The following NKAIN3 variants were observed in gnomAD, a reference collection of about 807,000 sequenced individuals.
NKAIN3 encodes the protein sodium/potassium transporting ATPase interacting 3, also known as sodium/potassium-transporting ATPase subunit beta-1-interacting protein 3.
NKAIN3 carries 25 observed loss-of-function variants against 30.2 expected under a neutral mutation model. The ratio of observed to expected loss-of-function variants is 0.83; its 90% confidence interval spans 0.60 to 1.16. The LOEUF is 1.16. NKAIN3 is among the 50% of genes most tolerant of loss of function. The pLI is 0.00. For missense variants in NKAIN3, 225 were observed against 254.1 expected, an observed-to-expected ratio of 0.89 and a Z score of 0.78; for synonymous variants, 91 against 89.6, an observed-to-expected ratio of 1.02 and a Z score of -0.09.
At chr8:62,598,976 A>G (rs1451581378) in intron 3 of NKAIN3, among the ~76,000 whole-genome samples, 2 of 152,046 alleles carry the variant, frequency 1.3e-5, no homozygotes, top group African/African-American at 2.4e-5. Context: ...GTTCAAGATT[A>G]GAGGTCTCAC....
chr8:62,505,942 T>C (rs1362679230), intron 1 of NKAIN3, among the ~76,000 whole-genome samples: 3 of 152,202 alleles, frequency 2.0e-5, no homozygotes, highest in African/African-American at 7.2e-5. Flanking sequence ...GTTTCCCTTC[T>C]TTTTTTAGCC....
chr8:62,569,252 C>A (rs1809851197), intron 1 of NKAIN3, among the ~76,000 whole-genome samples: 1 of 152,146 alleles, frequency 6.6e-6, no homozygotes, highest in Non-Finnish European at 1.5e-5. Flanking sequence ...GAAGTAGGAT[C>A]ATGATACAAA....
intron 1 of NKAIN3, among the ~76,000 whole-genome samples, chr8:62,404,003 G>A (rs918320413): frequency 3.9e-5 from 6 of 152,240 alleles, no homozygotes; most frequent in African/African-American, 1.4e-4. Context: ...GCAACAGCAT[G>A]CCCTGGATGT....
chr8:62,992,634 A>T (rs937143347), intron 5 of NKAIN3, among the ~76,000 whole-genome samples: 2 of 151,734 alleles, frequency 1.3e-5, no homozygotes, highest in African/African-American at 4.9e-5. Context: ...TCCCTTGCCC[A>T]TGCCATAGGT....
intron 4 of NKAIN3, among the ~76,000 whole-genome samples, chr8:62,844,837 G>A (rs1023286064): frequency 1.3e-5 from 2 of 151,936 alleles, no homozygotes; most frequent in African/African-American, 2.4e-5. Context: ...CAGGACTATC[G>A]GGGGCAGAAA....
intron 5 of NKAIN3, among the ~76,000 whole-genome samples, chr8:62,923,660 C>T (rs1048072931): frequency 6.6e-6 from 1 of 152,128 alleles, no homozygotes; most frequent in Non-Finnish European, 1.5e-5. Flanking sequence ...AAAACAGGGA[C>T]TTACTTGAAA....
chr8:62,670,612 T>C (rs1813269201), intron 3 of NKAIN3, among the ~76,000 whole-genome samples: 2 of 119,310 alleles, frequency 1.7e-5, no homozygotes, highest in Non-Finnish European at 3.2e-5. Flanking sequence ...TTTTCTTTTG[T>C]ATATGGCCTT....
intron 3 of NKAIN3, among the ~76,000 whole-genome samples, chr8:62,604,383 C>T (rs565309120): frequency 5.1e-4 from 77 of 152,104 alleles, no homozygotes; most frequent in Non-Finnish European, 8.5e-4. Flanking sequence ...CAGTACACAG[C>T]TGTGTGTGTA....
At chr8:62,714,923 G>A (rs1033105754) in intron 3 of NKAIN3, among the ~76,000 whole-genome samples, 2 of 152,136 alleles carry the variant, frequency 1.3e-5, no homozygotes, top group Admixed American at 1.3e-4. Context: ...GTTAATTCTT[G>A]CACTGCTATA....
Position 62,772,011 on chromosome 8 carries a change from CCTAT to C in NKAIN3, c.471+24886_471+24889del, listed in dbSNP as rs373468413. ...CTATCAAATACTAGATTTTATTTAT[CCTAT>C]CTAACTATATTTTTGTACTCCTTAA... On this transcript the variant is annotated intron_variant, in intron 4 of 6. Coordinates refer to ENST00000623646, the MANE Select transcript of NKAIN3 (RefSeq NM_001304533.3). 6.4e-3 allele frequency among the ~76,000 whole-genome samples: 977 copies of C among 152,144 alleles called. 10 individuals carry two copies. Among genetic ancestry groups the C allele is most frequent in the African/African-American group, 0.022 (916 of 41,508 alleles).
intron 1 of NKAIN3, among the ~76,000 whole-genome samples, chr8:62,272,751 A>G (rs781138480): frequency 2.0e-5 from 3 of 152,152 alleles, no homozygotes; most frequent in Non-Finnish European, 2.9e-5. Context: ...TCCTCTAACT[A>G]TGGCCTGCCA....
chr8:62,400,316 C>G (rs544676298), intron 1 of NKAIN3, among the ~76,000 whole-genome samples: 10 of 151,956 alleles, frequency 6.6e-5, no homozygotes, highest in African/African-American at 2.4e-4. Flanking sequence ...GGATTACAGG[C>G]CTGCACCACC....
chr8:62,340,251 A>G (rs2882808), intron 1 of NKAIN3, among the ~76,000 whole-genome samples: 5,958 of 152,072 alleles, frequency 0.039, 423 homozygotes, highest in African/African-American at 0.14. Flanking sequence ...GGCAGCCAGG[A>G]CTATTTATTC....
intron 4 of NKAIN3, chr8:62,856,373 C>T: frequency 2.4e-6 from 2 of 839,086 alleles, no homozygotes; most frequent in Admixed American, 1.7e-5. Flanking sequence ...TGGAGTGAAC[C>T]TTCTAGTTTG....
intron 5 of NKAIN3, among the ~76,000 whole-genome samples, chr8:62,940,443 T>C (rs554944438): frequency 4.6e-5 from 7 of 152,148 alleles, no homozygotes; most frequent in African/African-American, 1.7e-4. Flanking sequence ...CTAAACATTC[T>C]AAGTAACAAC....
chr8:62,757,838 G>A (rs972773044), intron 4 of NKAIN3, among the ~76,000 whole-genome samples: 1 of 152,116 alleles, frequency 6.6e-6, no homozygotes, highest in South Asian at 2.1e-4. Context: ...ATGATGAAGG[G>A]GCTTGAATGC....
chr8:62,910,899 C>G lies in NKAIN3; in HGVS notation c.472-7554C>G, dbSNP rs549983948. The stretch of plus-strand genomic sequence containing the variant: ...AGAGACGTTCTCATCAATCCTCAGG[C>G]CTTTCTTCCAGTAAATGCCAATGGA... On this transcript the variant is annotated intron_variant, in intron 4 of 6. Transcript: ENST00000623646. Among the ~76,000 whole-genome samples, 145 of 152,178 alleles carry G rather than the reference C, an allele frequency of 9.5e-4. 1 individual carries two copies. The highest frequency in any genetic ancestry group is 6.8e-3 in the Middle Eastern group (2 of 294).
At chr8:62,709,863 A>G (rs1299454541) in intron 3 of NKAIN3, among the ~76,000 whole-genome samples, 1 of 152,088 alleles carries the variant, frequency 6.6e-6, no homozygotes, top group Non-Finnish European at 1.5e-5. Flanking sequence ...ATTTAGGGCT[A>G]TGAACTTTCC....
intron 3 of NKAIN3, among the ~76,000 whole-genome samples, chr8:62,681,170 C>T (rs1813633200): frequency 6.6e-6 from 1 of 152,150 alleles, no homozygotes; most frequent in Non-Finnish European, 1.5e-5. Flanking sequence ...TCTGTACTTG[C>T]TCTGAATATC....
Sources: allele counts gnomAD v4.1 joint callset (sites outside exome capture counted in the v4.1 genomes callset), GRCh38; gene constraint gnomAD v4.1.1; transcripts MANE v1.5; gene names NCBI Gene and HGNC (gene_info 2026-07-23, HGNC 2026-07-21).